The following DAB2IP variants were observed in gnomAD, a reference collection of about 807,000 sequenced individuals.
The protein encoded by DAB2IP is disabled homolog 2-interacting protein.
Under a neutral mutation model 107.2 loss-of-function variants are expected in DAB2IP, and 28 were observed. That is an observed-to-expected ratio of 0.26 (90% CI 0.19 to 0.36). DAB2IP has a LOEUF of 0.36. Among genes scored for constraint, DAB2IP ranks in the 10% least tolerant of loss-of-function variants. The pLI, the probability that DAB2IP is intolerant of heterozygous loss-of-function variation, is 1.00. For missense variants in DAB2IP, 1,400 were observed against 1,644.7 expected (o/e 0.85, Z 2.57); for synonymous variants, 755 against 706.4 (o/e 1.07, Z -1.09).
At chr9:121,757,310 A>C (rs1366119288) in intron 4 of DAB2IP, 144 bp downstream of exon 4, 34 of 1,082,834 alleles carry the variant, frequency 3.1e-5, no homozygotes, top group Non-Finnish European at 4.3e-5. Flanking sequence ...AGTTACCGAT[A>C]GCTTTCAGCT....
chr9:121,588,139 C>A (rs775817129), intron 1 of DAB2IP, among the ~76,000 whole-genome samples: 15 of 152,114 alleles, frequency 9.9e-5, no homozygotes, highest in Non-Finnish European at 1.8e-4. Flanking sequence ...TTACTATCTA[C>A]CCATCCCCTT....
In DAB2IP at chr9:121,635,093, C is replaced by G. The variant is rs1450519467; in HGVS notation, c.41-43585C>G. 6.6e-6 allele frequency among the ~76,000 whole-genome samples: 1 copy of G among 152,152 alleles called. No homozygotes were observed. Among genetic ancestry groups the G allele is most frequent in the Non-Finnish European group, 1.5e-5 (1 of 68,038 alleles). ...GTCTATGTGCGAAGGGGAAGCTTGG[C>G]AGAGGGTGGCTATGGAGTGGAGGGG... On this transcript the variant is annotated intron_variant, in intron 1 of 16. Coordinates refer to the DAB2IP transcript ENST00000259371. The surrounding 1 kb of genome is among the most constrained non-coding windows in gnomAD (Gnocchi z 4.3).
intron 13 of DAB2IP, among the ~76,000 whole-genome samples, chr9:121,774,642 G>C (rs1835059765): frequency 1.3e-5 from 2 of 152,208 alleles, no homozygotes; most frequent in African/African-American, 4.8e-5. Context: ...CTGCAGATTG[G>C]AATCACCAGG....
chr9:121,617,923 C>T (rs1831335690), intron 1 of DAB2IP, among the ~76,000 whole-genome samples: 3 of 152,210 alleles, frequency 2.0e-5, no homozygotes, highest in Admixed American at 2.0e-4. Flanking sequence ...GGATTTTCAA[C>T]TCCATGGCTG....
At chr9:121,718,207 C>T (rs1830713154) in intron 3 of DAB2IP, among the ~76,000 whole-genome samples, 2 of 152,174 alleles carry the variant, frequency 1.3e-5, no homozygotes, top group South Asian at 4.1e-4. Flanking sequence ...AGCCGCGGCT[C>T]CTGACTGGCT....
At chr9:121,730,402 G>A (rs1831458652) in intron 3 of DAB2IP, among the ~76,000 whole-genome samples, 3 of 152,198 alleles carry the variant, frequency 2.0e-5, no homozygotes, top group African/African-American at 4.8e-5. Context: ...GCCCTGCACT[G>A]CCAGGCTCAC....
Position 121,722,958 on chromosome 9 carries a change from T to A in DAB2IP, c.362+23500T>A, listed in dbSNP as rs138940489. Among the ~76,000 whole-genome samples the A allele has an allele frequency of 5.3e-4, 80 of 152,330 alleles. No individual in the cohort carries two copies. In the East Asian group the frequency reaches 0.015, roughly 29 times the overall value. On this transcript the variant is annotated intron_variant, in intron 3 of 15. Coordinates refer to ENST00000408936, the Ensembl canonical transcript of DAB2IP. ...GGTGGACTGTTGGTCGGGGACTTTT[T>A]CTGCAGACTTTTTTCTGTGGCCAAT...
Position 121,633,408 on chromosome 9 carries a change from T to G in DAB2IP, c.41-45270T>G, listed in dbSNP as rs1831965493. Among the ~76,000 whole-genome samples the G allele has an allele frequency of 6.6e-6, 1 of 152,118 alleles. No individual in the cohort carries two copies. Among genetic ancestry groups the G allele is most frequent in the Non-Finnish European group, 1.5e-5 (1 of 68,022 alleles). On this transcript the variant is annotated intron_variant, in intron 1 of 16. Coordinates refer to the DAB2IP transcript ENST00000259371. This position sits in a 1 kb window ranked among gnomAD's most constrained non-coding sequence, Gnocchi z 5.1. ...ACCCCCCCTACCAAACCACCTCTGC[T>G]GCAAACAGAGTGCCTGGTGAGGCCG...
chr9:121,621,984 CTTTTTTT>C (rs1202929145), intron 1 of DAB2IP, among the ~76,000 whole-genome samples: 10 of 99,694 alleles, frequency 1.0e-4, no homozygotes, highest in South Asian at 3.4e-4. Flanking sequence ...TTTTTTCTTT[CTTTTTTT>C]TTTTTTTTTT....
chr9:121,585,192 C>T (rs893367662), intron 1 of DAB2IP, among the ~76,000 whole-genome samples: 2 of 152,150 alleles, frequency 1.3e-5, no homozygotes, highest in African/African-American at 4.8e-5. Flanking sequence ...CAATAAAATG[C>T]GGCCAACAAC....
At chr9:121,676,573 C>T (rs1167626002) in intron 1 of DAB2IP, among the ~76,000 whole-genome samples, 4 of 151,928 alleles carry the variant, frequency 2.6e-5, no homozygotes. Flanking sequence ...AGGCTCCATG[C>T]AGGGTGCTGG....
At chr9:121,739,319 G>A (rs1832152367) in intron 3 of DAB2IP, among the ~76,000 whole-genome samples, 1 of 152,190 alleles carries the variant, frequency 6.6e-6, no homozygotes, top group African/African-American at 2.4e-5. Flanking sequence ...GGGGGCGTTG[G>A]GTGTTGCTGG....
In DAB2IP at chr9:121,699,098, G is replaced by A. The variant is rs1157479553; in HGVS notation, c.229-227G>A. Among the ~76,000 whole-genome samples, 1 of 147,062 alleles carries A rather than the reference G, an allele frequency of 6.8e-6. No individual in the cohort carries two copies. Among genetic ancestry groups the A allele is most frequent in the African/African-American group, 2.4e-5 (1 of 40,868 alleles). ...GGCAACAGCGGCTTAGGGGGCGGGGGCGACGTGGCGGGCGGGGTGGGCTGG... is the reference window on the plus strand; with the variant it reads ...GGCAACAGCGGCTTAGGGGGCGGGGACGACGTGGCGGGCGGGGTGGGCTGG... On this transcript the variant is annotated intron_variant, in intron 2 of 15. Coordinates refer to ENST00000408936, the Ensembl canonical transcript of DAB2IP. The surrounding 1 kb of genome is among the most constrained non-coding windows in gnomAD (Gnocchi z 6.2).
intron 3 of DAB2IP, among the ~76,000 whole-genome samples, chr9:121,748,789 C>T (rs1049835830): frequency 6.6e-5 from 10 of 152,238 alleles, no homozygotes; most frequent in Admixed American, 4.6e-4. Context: ...GCTGTCCCAT[C>T]CTCCTGTTTT....
At chr9:121,729,711 C>T (rs1030753623) in intron 3 of DAB2IP, among the ~76,000 whole-genome samples, 2 of 152,218 alleles carry the variant, frequency 1.3e-5, no homozygotes, top group Non-Finnish European at 2.9e-5. Context: ...AGCCCACAAA[C>T]AGGTCTCATT....
chr9:121,718,159 C>T (rs1317092932), intron 3 of DAB2IP, among the ~76,000 whole-genome samples: 2 of 152,078 alleles, frequency 1.3e-5, no homozygotes, highest in African/African-American at 4.8e-5. Flanking sequence ...CCTGCCCTGG[C>T]AACAGCTCTG....
At position 121,699,174 on chromosome 9, in the gene DAB2IP, G is replaced by A. The variant is rs1027434968; in HGVS notation, c.229-151G>A. On this transcript the variant is annotated intron_variant, in intron 2 of 15. Coordinates refer to ENST00000408936, the Ensembl canonical transcript of DAB2IP. The surrounding 1 kb of genome is among the most constrained non-coding windows in gnomAD (Gnocchi z 6.2). ...GGCGCTCGGTCGGCGGGCGGGCGGC[G>A]CGGGCCGCGAGCTGCTGGGGCCGAG... 7 of 901,714 alleles carry A rather than the reference G, an allele frequency of 7.8e-6. No individual in the cohort carries two copies. The African/African-American group carries it at 1.1e-4, about 14-fold the overall frequency. The allele number at this position is 901,714 out of a possible 1,614,324, so 55.9% of individuals were successfully genotyped here.
At chr9:121,645,186 C>T (rs1832494329) in intron 1 of DAB2IP, among the ~76,000 whole-genome samples, 1 of 152,192 alleles carries the variant, frequency 6.6e-6, no homozygotes, top group South Asian at 2.1e-4. Context: ...CCAGGGCCCA[C>T]CTGGAGCTTG....
At chr9:121,612,307 G>C (rs1309381559) in intron 1 of DAB2IP, among the ~76,000 whole-genome samples, 1 of 151,982 alleles carries the variant, frequency 6.6e-6, no homozygotes, top group African/African-American at 2.4e-5. Context: ...CACTTTGGTA[G>C]CAGAGTGAGA....
Sources: allele counts gnomAD v4.1 joint callset (sites outside exome capture counted in the v4.1 genomes callset), GRCh38; gene constraint gnomAD v4.1.1; non-coding constraint Gnocchi (gnomAD v3.1); transcripts MANE v1.5; gene names NCBI Gene and HGNC (gene_info 2026-07-23, HGNC 2026-07-21).